Variants in KCNQ1OT1 observed in about 807,000 individuals in gnomAD.
KCNQ1OT1 encodes KCNQ1 opposite strand/antisense transcript 1, also known as KCNQ1 antisense RNA 2 (non-protein coding).
chr11:2,611,129 T>C lies in KCNQ1OT1; in HGVS notation n.88866A>G, dbSNP rs761683011. 15 of 398,488 alleles carry C rather than the reference T, an allele frequency of 3.8e-5. No homozygotes were observed. The highest frequency in any genetic ancestry group is 6.2e-5 in the Non-Finnish European group (14 of 226,060). The allele number at this position is 398,488 out of a possible 1,614,324, so 24.7% of individuals were successfully genotyped here. On this transcript the variant is annotated non_coding_transcript_exon_variant, in exon 1 of 1. Coordinates refer to ENST00000597346, the Ensembl canonical transcript of KCNQ1OT1. The surrounding 1 kb of genome is among the most constrained non-coding windows in gnomAD (Gnocchi z 5.3). ...TCTGTTTATGATTTCTATTTCTTCC[T>C]GTTAAATTTTCCCTTTTGTCATTGT...
In KCNQ1OT1 at chr11:2,663,292, C is replaced by T. The variant is rs1850003554; in HGVS notation, n.36703G>A. The T allele has an allele frequency of 2.5e-6, 1 of 398,654 alleles. No individual in the cohort carries two copies. Among genetic ancestry groups the T allele is most frequent in the African/African-American group, 2.1e-5 (1 of 48,616 alleles). The allele number at this position is 398,654 out of a possible 1,614,324, so 24.7% of individuals were successfully genotyped here. On this transcript the variant is annotated non_coding_transcript_exon_variant, in exon 1 of 1. Transcript: ENST00000597346. The surrounding 1 kb of genome is among the most constrained non-coding windows in gnomAD (Gnocchi z 5.2). ...ACCCTGAGAATAGGGCTCTGAGCTT[C>T]TGGGCCCCTCCTGGCTGGGTAAAAA... is the stretch of plus-strand genomic sequence containing the variant.
In KCNQ1OT1 at chr11:2,652,863, T is replaced by C. The variant is rs1590007974; in HGVS notation, n.47132A>G. 2 of 398,710 alleles carry C rather than the reference T, an allele frequency of 5.0e-6. No individual in the cohort carries two copies. The highest frequency in any genetic ancestry group is 3.6e-5 in the East Asian group (1 of 28,084). 24.7% of individuals were successfully genotyped at this position (398,710 alleles called of 1,614,324 possible). ...TGTATGCTGAGGCTTGCTATACTTATTCTAAGGAGAAGTGTTTGGGGTGTG... is the reference window on the plus strand; with the variant it reads ...TGTATGCTGAGGCTTGCTATACTTACTCTAAGGAGAAGTGTTTGGGGTGTG... On this transcript the variant is annotated non_coding_transcript_exon_variant, in exon 1 of 1. Transcript: ENST00000597346. The surrounding 1 kb of genome is among the most constrained non-coding windows in gnomAD (Gnocchi z 5.9).
At chr11:2,650,760 C>T in exon 1 of KCNQ1OT1, 1 of 398,608 alleles carries the variant, frequency 2.5e-6, no homozygotes, top group Non-Finnish European at 4.4e-6. Context: ...TACCCACAGG[C>T]AATTTGAAGG....
Position 2,647,584 on chromosome 11 carries a change from C to A in KCNQ1OT1, n.52411G>T. On this transcript the variant is annotated non_coding_transcript_exon_variant, in exon 1 of 1. Coordinates refer to ENST00000597346, the Ensembl canonical transcript of KCNQ1OT1. This position sits in a 1 kb window ranked among gnomAD's most constrained non-coding sequence, Gnocchi z 4.0. Reference sequence around the variant, plus strand: ...TGTCTGAGAAGAATTCATGTTAGTTCTTTAAAGGTTTGGTAGAATTCAGTA... The same window carrying A: ...TGTCTGAGAAGAATTCATGTTAGTTATTTAAAGGTTTGGTAGAATTCAGTA... The A allele has an allele frequency of 2.5e-6, 1 of 398,504 alleles. No homozygotes were observed. Among genetic ancestry groups the A allele is most frequent in the East Asian group, 3.6e-5 (1 of 28,042 alleles). 24.7% of individuals were successfully genotyped at this position (398,504 alleles called of 1,614,324 possible). A position where few individuals can be genotyped will look rare whatever the true frequency, so the allele number is the denominator to read the frequency against.
In KCNQ1OT1 at chr11:2,664,930, C is replaced by T. The variant is rs1286435628; in HGVS notation, n.35065G>A. 1 of 398,472 alleles carries T rather than the reference C, an allele frequency of 2.5e-6. No individual in the cohort carries two copies. The allele number at this position is 398,472 out of a possible 1,614,324, so 24.7% of individuals were successfully genotyped here. A position where few individuals can be genotyped will look rare whatever the true frequency, so the allele number is the denominator to read the frequency against. On this transcript the variant is annotated non_coding_transcript_exon_variant, in exon 1 of 1. Transcript: ENST00000597346. This position sits in a 1 kb window ranked among gnomAD's most constrained non-coding sequence, Gnocchi z 5.1. ...CTCGAGCTCTCCCCGCCCGCAGGGC[C>T]CCAGAGAGGTGAGGTCACTATAGCC... is the stretch of plus-strand genomic sequence containing the variant.
Position 2,642,128 on chromosome 11 carries a change from T to C in KCNQ1OT1, n.57867A>G. 2.5e-6 allele frequency: 1 copy of C among 398,452 alleles called. No homozygotes were observed. The highest frequency in any genetic ancestry group is 4.4e-6 in the Non-Finnish European group (1 of 225,964). The allele number at this position is 398,452 out of a possible 1,614,324, so 24.7% of individuals were successfully genotyped here. A position where few individuals can be genotyped will look rare whatever the true frequency, so the allele number is the denominator to read the frequency against. ...AGCTCTTTTTTGGTTCCATCTGAAT[T>C]TTAGGATTTTTTCTATTTCCATGAA... is the stretch of plus-strand genomic sequence containing the variant. On this transcript the variant is annotated non_coding_transcript_exon_variant, in exon 1 of 1. Coordinates refer to ENST00000597346, the Ensembl canonical transcript of KCNQ1OT1. The surrounding 1 kb of genome is among the most constrained non-coding windows in gnomAD (Gnocchi z 4.3).
exon 1 of KCNQ1OT1, chr11:2,650,349 A>T (rs1849738102): frequency 2.5e-6 from 1 of 398,382 alleles, no homozygotes; most frequent in South Asian, 1.3e-4. Flanking sequence ...TTGTGTCCCC[A>T]AGTTGATATC....
exon 1 of KCNQ1OT1, chr11:2,619,761 G>C (rs1849133761): frequency 2.5e-6 from 1 of 397,762 alleles, no homozygotes; most frequent in Non-Finnish European, 4.4e-6. Flanking sequence ...TTTTGGAAGA[G>C]TTTAAGAAGT....
In KCNQ1OT1 at chr11:2,683,552, C is replaced by T. The variant is rs974455760; in HGVS notation, n.16443G>A. Reference sequence around the variant, plus strand: ...CATTTCTAAAAAAGAGGTAGAAGCCCCTACCTACTGACTGGCATCACAAAC... The same window carrying T: ...CATTTCTAAAAAAGAGGTAGAAGCCTCTACCTACTGACTGGCATCACAAAC... On this transcript the variant is annotated non_coding_transcript_exon_variant, in exon 1 of 1. Transcript: ENST00000597346. The surrounding 1 kb of genome is among the most constrained non-coding windows in gnomAD (Gnocchi z 4.7). 2 of 398,486 alleles carry T rather than the reference C, an allele frequency of 5.0e-6. No homozygotes were observed. Among genetic ancestry groups the T allele is most frequent in the Non-Finnish European group, 8.8e-6 (2 of 226,078 alleles). 24.7% of individuals were successfully genotyped at this position (398,486 alleles called of 1,614,324 possible). A position where few individuals can be genotyped will look rare whatever the true frequency, so the allele number is the denominator to read the frequency against.
At chr11:2,646,496 G>A in exon 1 of KCNQ1OT1, 5 of 398,500 alleles carry the variant, frequency 1.3e-5, no homozygotes, top group Non-Finnish European at 2.2e-5. Flanking sequence ...TGGCTAATTT[G>A]CTGTTTCACA....
At chr11:2,631,442 T>G in exon 1 of KCNQ1OT1, 1 of 398,602 alleles carries the variant, frequency 2.5e-6, no homozygotes, top group Middle Eastern at 6.3e-4. Context: ...TTTTTAGGAT[T>G]TCTATTTCTT....
Position 2,683,762 on chromosome 11 carries a change from G to A in KCNQ1OT1, n.16233C>T. On this transcript the variant is annotated non_coding_transcript_exon_variant, in exon 1 of 1. Transcript: ENST00000597346. This position sits in a 1 kb window ranked among gnomAD's most constrained non-coding sequence, Gnocchi z 4.7. ...GCTCTGAGGCAGCCCAGATGACATG[G>A]GCCTCTAAGGCTGGCTGCTCTTACT... is the stretch of plus-strand genomic sequence containing the variant. The A allele has an allele frequency of 2.5e-6, 1 of 398,500 alleles. No individual in the cohort carries two copies. Among genetic ancestry groups the A allele is most frequent in the Middle Eastern group, 6.3e-4 (1 of 1,588 alleles). The allele number at this position is 398,500 out of a possible 1,614,324, so 24.7% of individuals were successfully genotyped here.
chr11:2,685,181 T>A (rs894168113), exon 1 of KCNQ1OT1: 3 of 398,536 alleles, frequency 7.5e-6, no homozygotes, highest in East Asian at 3.6e-5. Flanking sequence ...CTGCATGGAA[T>A]GCCCCCTTCG....
chr11:2,632,790 A>G (rs1317549614), exon 1 of KCNQ1OT1: 3 of 398,446 alleles, frequency 7.5e-6, no homozygotes, highest in Non-Finnish European at 1.3e-5. Context: ...TCCATTGTGT[A>G]TACATACCAC....
rs1328536359 is a variant in KCNQ1OT1 at position 2,626,787 on chromosome 11, A to G, written n.73208T>C. Reference sequence around the variant, plus strand: ...CAGAAGTCCTCCCACCTCAGCCTTCAAAAGTGCTGAGATTACAGGTGTAGG... The same window carrying G: ...CAGAAGTCCTCCCACCTCAGCCTTCGAAAGTGCTGAGATTACAGGTGTAGG... On this transcript the variant is annotated non_coding_transcript_exon_variant, in exon 1 of 1. Transcript: ENST00000597346. The surrounding 1 kb of genome is among the most constrained non-coding windows in gnomAD (Gnocchi z 4.0). 1 of 398,580 alleles carries G rather than the reference A, an allele frequency of 2.5e-6. No homozygotes were observed. Among genetic ancestry groups the G allele is most frequent in the Non-Finnish European group, 4.4e-6 (1 of 226,062 alleles). 24.7% of individuals were successfully genotyped at this position (398,580 alleles called of 1,614,324 possible).
chr11:2,627,593 C>T lies in KCNQ1OT1; in HGVS notation n.72402G>A. 6 of 398,460 alleles carry T rather than the reference C, an allele frequency of 1.5e-5. No individual in the cohort carries two copies. Among genetic ancestry groups the T allele is most frequent in the Non-Finnish European group, 2.2e-5 (5 of 226,058 alleles). The allele number at this position is 398,460 out of a possible 1,614,324, so 24.7% of individuals were successfully genotyped here. A position where few individuals can be genotyped will look rare whatever the true frequency, so the allele number is the denominator to read the frequency against. On this transcript the variant is annotated non_coding_transcript_exon_variant, in exon 1 of 1. Transcript: ENST00000597346. This position sits in a 1 kb window ranked among gnomAD's most constrained non-coding sequence, Gnocchi z 4.9. ...TGGCTATTTCACTTAGCATAATATC[C>T]TCCAGGTTCATCTATGTTGTCATAA...
At chr11:2,622,557 A>G in exon 1 of KCNQ1OT1, 1 of 398,496 alleles carries the variant, frequency 2.5e-6, no homozygotes, top group Non-Finnish European at 4.4e-6. Context: ...ACTTACTTAT[A>G]AAAAAGAAGT....
rs1006915470 is a variant in KCNQ1OT1 at position 2,683,890 on chromosome 11, C to T, written n.16105G>A. Reference sequence around the variant, plus strand: ...ACATCTCTCTTCCAAATCATAAATGCAAAAGATGGCCAAAGGTGCATGCTC... The same window carrying T: ...ACATCTCTCTTCCAAATCATAAATGTAAAAGATGGCCAAAGGTGCATGCTC... On this transcript the variant is annotated non_coding_transcript_exon_variant, in exon 1 of 1. Transcript: ENST00000597346. This position sits in a 1 kb window ranked among gnomAD's most constrained non-coding sequence, Gnocchi z 4.7. 5.0e-6 allele frequency: 2 copies of T among 398,380 alleles called. No homozygotes were observed. The highest frequency in any genetic ancestry group is 8.8e-6 in the Non-Finnish European group (2 of 226,050). The allele number at this position is 398,380 out of a possible 1,614,324, so 24.7% of individuals were successfully genotyped here. A position where few individuals can be genotyped will look rare whatever the true frequency, so the allele number is the denominator to read the frequency against.
rs1323434390 is a variant in KCNQ1OT1 at position 2,682,542 on chromosome 11, T to G, written n.17453A>C. On this transcript the variant is annotated non_coding_transcript_exon_variant, in exon 1 of 1. Coordinates refer to ENST00000597346, the Ensembl canonical transcript of KCNQ1OT1. The surrounding 1 kb of genome is among the most constrained non-coding windows in gnomAD (Gnocchi z 5.8). ...CAGGTCAAACCAGGTGCTAGGACCCTGGCAGGGGTTCCATAAGGCTATGCT... is the reference window on the plus strand; with the variant it reads ...CAGGTCAAACCAGGTGCTAGGACCCGGGCAGGGGTTCCATAAGGCTATGCT... The G allele has an allele frequency of 1.3e-5, 5 of 398,436 alleles. No individual in the cohort carries two copies. The highest frequency in any genetic ancestry group is 6.2e-5 in the African/African-American group (3 of 48,576). 24.7% of individuals were successfully genotyped at this position (398,436 alleles called of 1,614,324 possible).
Sources: gnomAD v4.1 joint callset for allele counts on GRCh38, gnomAD v4.1.1 for gene constraint, Gnocchi (gnomAD v3.1) non-coding constraint, MANE v1.5 for transcripts, NCBI Gene and HGNC (gene_info 2026-07-23, HGNC 2026-07-21) for gene names.